IGLON5: variants seen among roughly 807,000 people sequenced by gnomAD.
The protein encoded by IGLON5 is Ig-like domain-containing protein ENSP00000270642.
IGLON5 carries 16 observed loss-of-function variants against 38.2 expected under a neutral mutation model. That is an observed-to-expected ratio of 0.42 (90% confidence interval 0.28 to 0.64). IGLON5 has a LOEUF of 0.64. IGLON5 is among the 30% of genes least tolerant of loss of function. The pLI, the probability that IGLON5 is intolerant of heterozygous loss-of-function variation, is 0.23. For synonymous variants in IGLON5, 207 were observed against 216.4 expected, an observed-to-expected ratio of 0.96 and a Z score of 0.38; for missense variants, 366 against 483.4, an observed-to-expected ratio of 0.76 and a Z score of 2.28.
rs1985338282 is a variant in IGLON5, at chr19:51,330,768, C to A, written c.*2009C>A. Among the ~76,000 whole-genome samples, 1 of 151,896 alleles carries A rather than the reference C, an allele frequency of 6.6e-6. No homozygotes were observed. Among genetic ancestry groups the A allele is most frequent in the African/African-American group, 2.4e-5 (1 of 41,222 alleles). ...AGAAGGATAGGAACACTGTGAAGGG[C>A]AGAGTGGAAACCTTAGAGAAACTGA... is the stretch of plus-strand genomic sequence containing the variant. On this transcript the variant is annotated 3_prime_UTR_variant, in exon 8 of 8. Coordinates refer to ENST00000270642, the MANE Select transcript of IGLON5 (RefSeq NM_001101372.3).
At chr19:51,321,117 C>T (rs1445988260) in intron 1 of IGLON5, among the ~76,000 whole-genome samples, 5 of 152,030 alleles carry the variant, frequency 3.3e-5, no homozygotes, top group South Asian at 2.1e-4. Context: ...TATGTCTGTG[C>T]GTGTAGACCA....
rs532748280 is a variant in IGLON5 at position 51,328,666 on chromosome 19, C to T, written c.923-5C>T. On this transcript the variant is annotated splice_region_variant and splice_polypyrimidine_tract_variant and intron_variant, in intron 7 of 7. Transcript: ENST00000270642. ...CTCCCTCCATGACCCCTTCTCTTCC[C>T]CCAGGCCCAGGATCCCTGGAGAACT... 1,632 of 1,561,186 alleles carry T rather than the reference C, an allele frequency of 1.0e-3. 22 individuals are homozygous for T. The South Asian group carries it at 0.018, about 17-fold the overall frequency.
At chr19:51,313,646 TTTTTC>T (rs1984831317) in intron 1 of IGLON5, among the ~76,000 whole-genome samples, 1 of 79,046 alleles carries the variant, frequency 1.3e-5, no homozygotes, top group East Asian at 2.5e-4. Context: ...TCTCTCTCTC[TTTTTC>T]TTTCTTTCTT....
rs1176150851 is a variant in IGLON5, at chr19:51,329,207, C to G, written c.*448C>G. 3 of 155,382 alleles carry G rather than the reference C, an allele frequency of 1.9e-5. No individual in the cohort carries two copies. Among genetic ancestry groups the G allele is most frequent in the African/African-American group, 7.2e-5 (3 of 41,468 alleles). The allele number at this position is 155,382 out of a possible 1,614,324, so 9.6% of individuals were successfully genotyped here. ...ACCCCCATGTCCACTGTCCCCAACC[C>G]TATTGCCTCTCACCTCTGGCTGGAG... On this transcript the variant is annotated 3_prime_UTR_variant, in exon 8 of 8. Transcript: ENST00000270642. This position sits in a 1 kb window ranked among gnomAD's most constrained non-coding sequence, Gnocchi z 4.3.
At position 51,326,811 on chromosome 19, in the gene IGLON5, C is replaced by T; in HGVS notation, c.559C>T (p.Arg187Trp). 2 of 1,550,800 alleles carry T rather than the reference C, an allele frequency of 1.3e-6. No homozygotes were observed. The highest frequency in any genetic ancestry group is 8.7e-7 in the Non-Finnish European group (1 of 1,147,124). Residue 187 changes from arginine (R) to tryptophan (W), a missense_variant, in exon 5 of 8, where the codon CGG becomes TGG. Transcript: ENST00000270642. ...GEILEISDIQRGQAGEYECVT... is the reference protein window; with the variant it reads ...GEILEISDIQWGQAGEYECVT... ...GATCCTGGAGATCTCTGACATCCAGCGGGGCCAGGCCGGGGAGTATGAGTG... is the reference window on the plus strand; with the variant it reads ...GATCCTGGAGATCTCTGACATCCAGTGGGGCCAGGCCGGGGAGTATGAGTG...
chr19:51,327,708 G>T lies in IGLON5; in HGVS notation c.768-24G>T. 1 of 1,553,386 alleles carries T rather than the reference G, an allele frequency of 6.4e-7. No individual in the cohort carries two copies. Among genetic ancestry groups the T allele is most frequent in the Non-Finnish European group, 8.7e-7 (1 of 1,154,808 alleles). On this transcript the variant is annotated intron_variant, in intron 6 of 7. Coordinates refer to ENST00000270642, the MANE Select transcript of IGLON5 (RefSeq NM_001101372.3). The surrounding 1 kb of genome is among the most constrained non-coding windows in gnomAD (Gnocchi z 7.1). ...TGGCCTGGCTGGGCGCTGCGGCCCG[G>T]CCCCTGACCCGGATCCCTGGCAGGC...
chr19:51,315,713 T>TTTTTTTTTA (rs758372004), intron 1 of IGLON5, among the ~76,000 whole-genome samples: 1 of 96,014 alleles, frequency 1.0e-5, no homozygotes, highest in African/African-American at 3.6e-5. Context: ...TTTTTTTTTT[T>TTTTTTTTTA]GAGACAGAGT....
In IGLON5 at chr19:51,325,231, C is replaced by G; in HGVS notation, c.392-115C>G. 6.8e-7 allele frequency: 1 copy of G among 1,460,496 alleles called. No individual in the cohort carries two copies. 90.5% of individuals were successfully genotyped at this position (1,460,496 alleles called of 1,614,324 possible). Reference sequence around the variant, plus strand: ...GGAGGAGGGGCTGGGGGTCTGAACTCCTGGGTCTGAGGGAGGAGGAGGGGC... The same window carrying G: ...GGAGGAGGGGCTGGGGGTCTGAACTGCTGGGTCTGAGGGAGGAGGAGGGGC... On this transcript the variant is annotated intron_variant, in intron 3 of 7. Coordinates refer to ENST00000270642, the MANE Select transcript of IGLON5 (RefSeq NM_001101372.3). The surrounding 1 kb of genome is among the most constrained non-coding windows in gnomAD (Gnocchi z 5.5).
chr19:51,313,607 T>TTC (rs1984824344), intron 1 of IGLON5, among the ~76,000 whole-genome samples: 1 of 151,380 alleles, frequency 6.6e-6, no homozygotes, highest in East Asian at 1.9e-4. Context: ...CTTTCCTTCT[T>TTC]TCTTTCTTTC....
rs1013762278 is a variant in IGLON5 at position 51,311,851 on chromosome 19, C to T, written c.4C>T (p.Pro2Ser). The change falls in exon 1 of 8, where the codon CCC becomes TCC. Residue 2 changes from proline (P) to serine (S), a missense_variant. Pro to Ser is a moderately conservative substitution (Grantham distance 74). Transcript: ENST00000270642. ...CCTCCGCGCCGCCTCTGCCGCGATG[C>T]CCCCCCCTGCGCCCGGGGCCCGGCT... is the stretch of plus-strand genomic sequence containing the variant. M[P>S]PPAPGARLRL... The T allele has an allele frequency of 5.4e-5, 65 of 1,194,520 alleles. No individual in the cohort carries two copies. Among genetic ancestry groups the T allele is most frequent in the Non-Finnish European group, 6.3e-5 (59 of 934,980 alleles). 74.0% of individuals were successfully genotyped at this position (1,194,520 alleles called of 1,614,324 possible). A position where few individuals can be genotyped will look rare whatever the true frequency, so the allele number is the denominator to read the frequency against.
rs542396695 is a variant in IGLON5 at position 51,322,523 on chromosome 19, C to G, written c.158+381C>G. 2.6e-5 allele frequency among the ~76,000 whole-genome samples: 4 copies of G among 151,600 alleles called. No individual in the cohort carries two copies. The East Asian group carries it at 7.8e-4, about 30-fold the overall frequency. ...GAGAGGGACAGGGTTGCTGTTTCCC[C>G]AGGTCTCCACCTCTCCTCACCCTGG... On this transcript the variant is annotated intron_variant, in intron 2 of 7. Transcript: ENST00000270642.
Position 51,328,931 on chromosome 19 carries a change from A to T in IGLON5, c.*172A>T. 1 of 532,286 alleles carries T rather than the reference A, an allele frequency of 1.9e-6. No homozygotes were observed. Among genetic ancestry groups the T allele is most frequent in the Admixed American group, 3.6e-5 (1 of 27,822 alleles). 33.0% of individuals were successfully genotyped at this position (532,286 alleles called of 1,614,324 possible). On this transcript the variant is annotated 3_prime_UTR_variant, in exon 8 of 8. Transcript: ENST00000270642. ...AGGAAGAAAGATCTTCAGAGAACCCATCACTGTGAGGGATAACGCAAAATT... is the reference window on the plus strand; with the variant it reads ...AGGAAGAAAGATCTTCAGAGAACCCTTCACTGTGAGGGATAACGCAAAATT...
Position 51,312,245 on chromosome 19 carries a change from C to T in IGLON5, c.79+319C>T, listed in dbSNP as rs574596042. Reference sequence around the variant, plus strand: ...GCCTGGGGGCAGGAGTCTGCGGCTCCTGTTGAGGAGGGGGCAGACACTGGA... The same window carrying T: ...GCCTGGGGGCAGGAGTCTGCGGCTCTTGTTGAGGAGGGGGCAGACACTGGA... On this transcript the variant is annotated intron_variant, in intron 1 of 7. Transcript: ENST00000270642. Among the ~76,000 whole-genome samples the T allele has an allele frequency of 9.1e-4, 138 of 151,126 alleles. 1 individual carries two copies. In the Middle Eastern group the frequency reaches 0.014, roughly 15 times the overall value.
At chr19:51,318,435 C>T (rs1158377575) in intron 1 of IGLON5, among the ~76,000 whole-genome samples, 6 of 152,124 alleles carry the variant, frequency 3.9e-5, no homozygotes, top group African/African-American at 1.4e-4. Flanking sequence ...GTCCACTTCC[C>T]ACCCCAGTGA....
intron 1 of IGLON5, among the ~76,000 whole-genome samples, chr19:51,317,584 G>A (rs183038595): frequency 6.6e-6 from 1 of 152,174 alleles, no homozygotes; most frequent in East Asian, 1.9e-4. Context: ...TGTCTGCCCA[G>A]GAGTCAGTGA....
In IGLON5 at chr19:51,311,905, G is replaced by A. The variant is rs1984773645; in HGVS notation, c.58G>A (p.Gly20Ser). Residue 20 changes from glycine (G) to serine (S), a missense_variant, in exon 1 of 8, where the codon GGC (glycine) becomes AGC (serine). Gly to Ser is a moderately conservative substitution (Grantham distance 56, BLOSUM62 0). Transcript: ENST00000270642. ...LRLLAAAALA[G>S]LAVISRGLLS... ...GCTTCTCGCCGCCGCCGCCCTGGCC[G>A]GCTTGGCCGTCATCAGCCGAGGTAC... 3 of 1,364,822 alleles carry A rather than the reference G, an allele frequency of 2.2e-6. No homozygotes were observed. Among genetic ancestry groups the A allele is most frequent in the African/African-American group, 1.5e-5 (1 of 66,120 alleles). The allele number at this position is 1,364,822 out of a possible 1,614,324, so 84.5% of individuals were successfully genotyped here. A position where few individuals can be genotyped will look rare whatever the true frequency, so the allele number is the denominator to read the frequency against.
In IGLON5 at chr19:51,327,102, G is replaced by T; in HGVS notation, c.669G>T (p.Val223=). Residue 223 remains valine, a synonymous_variant, in exon 6 of 8, where the codon GTG becomes GTT. Transcript: ENST00000270642. This position sits in a 1 kb window ranked among gnomAD's most constrained non-coding sequence, Gnocchi z 7.1. ...TVNYPPTITD[V]TSARTALGRA... ...CAGATCCTCCGACCATCACGGACGT[G>T]ACCAGCGCCCGCACCGCGCTGGGCC... The T allele has an allele frequency of 6.2e-7, 1 of 1,610,236 alleles. No homozygotes were observed. Among genetic ancestry groups the T allele is most frequent in the South Asian group, 1.1e-5 (1 of 90,914 alleles).
intron 1 of IGLON5, among the ~76,000 whole-genome samples, chr19:51,314,711 A>G (rs1030868845): frequency 6.6e-6 from 1 of 152,176 alleles, no homozygotes; most frequent in Non-Finnish European, 1.5e-5. Flanking sequence ...GCTGTCTGGG[A>G]AAAAAAGCTT....
In IGLON5 at chr19:51,323,786, T is replaced by C. The variant is rs1158561113; in HGVS notation, c.283T>C (p.Phe95Leu). The C allele has an allele frequency of 6.2e-7, 1 of 1,613,532 alleles. No homozygotes were observed. The highest frequency in any genetic ancestry group is 8.5e-7 in the Non-Finnish European group (1 of 1,179,808). The change falls in exon 3 of 8, where the codon TTC becomes CTC. Residue 95 changes from phenylalanine (F) to leucine (L), a missense_variant. Coordinates refer to ENST00000270642, the MANE Select transcript of IGLON5 (RefSeq NM_001101372.3). ...GCTGCTCATCAACACCCCCGAGGAG[T>C]TCTCCATCCTCATCACCGAGGTGGG... ...VRLLINTPEE[F>L]SILITEVGLG...
Sources: gnomAD v4.1 joint callset for allele counts (sites outside exome capture counted in the v4.1 genomes callset) on GRCh38, gnomAD v4.1.1 for gene constraint, Gnocchi (gnomAD v3.1) non-coding constraint, MANE v1.5 for transcripts, NCBI Gene and HGNC (gene_info 2026-07-23, HGNC 2026-07-21) for gene names.